B4GALT6: variants seen among roughly 807,000 people sequenced by gnomAD.
B4GALT6 encodes the protein UDP-Gal:beta-GlcNAc beta-1,4-galactosyltransferase 6.
In B4GALT6, 14 loss-of-function variants were observed where a neutral mutation model predicts 46.3. The ratio of observed to expected loss-of-function variants is 0.30; its 90% CI spans 0.20 to 0.47. B4GALT6 has a LOEUF of 0.47. B4GALT6 is among the 20% of genes least tolerant of loss of function. The pLI, the probability that B4GALT6 is intolerant of heterozygous loss-of-function variation, is 0.99. For synonymous variants in B4GALT6, 168 were observed against 162.0 expected, an observed-to-expected ratio of 1.04 and a Z score of -0.28; for missense variants, 386 against 480.1, an observed-to-expected ratio of 0.80 and a Z score of 1.83.
intron 1 of B4GALT6, among the ~76,000 whole-genome samples, chr18:31,676,322 A>AC (rs2074414595): frequency 6.6e-6 from 1 of 152,210 alleles, no homozygotes; most frequent in African/African-American, 2.4e-5. Flanking sequence ...ACTTAAATAT[A>AC]CCACTGTAAA....
intron 5 of B4GALT6, 48 bp downstream of exon 5, chr18:31,638,596 A>G (rs1283044547): frequency 1.5e-6 from 2 of 1,338,482 alleles, no homozygotes; most frequent in South Asian, 1.2e-5. Context: ...CATATCTAAG[A>G]GTTTAGATTC....
At chr18:31,630,057 G>T (rs2073764047) in intron 6 of B4GALT6, among the ~76,000 whole-genome samples, 1 of 145,302 alleles carries the variant, frequency 6.9e-6, no homozygotes, top group African/African-American at 2.5e-5. Context: ...AGGAAGAAGG[G>T]GGGAGGGGGA....
chr18:31,700,851 G>A, the B4GALT6 span, among the ~76,000 whole-genome samples: 13 of 151,962 alleles, frequency 8.6e-5, no homozygotes, highest in Admixed American at 8.5e-4. Flanking sequence ...GTGACGATGT[G>A]GAGCAAAGAC....
intron 2 of B4GALT6, among the ~76,000 whole-genome samples, chr18:31,665,867 T>G (rs769220415): frequency 6.6e-6 from 1 of 152,248 alleles, no homozygotes; most frequent in Non-Finnish European, 1.5e-5. Context: ...ACAACTATTT[T>G]CTAGACCTAG....
In B4GALT6 at chr18:31,629,655, T is replaced by C. The variant is rs535162561; in HGVS notation, c.776+1304A>G. On this transcript the variant is annotated intron_variant, in intron 6 of 8. Coordinates refer to ENST00000306851, the MANE Select transcript of B4GALT6 (RefSeq NM_004775.5). ...ACAAGGTCAGGAGATCAAGACTATC[T>C]TGGCTAACACAGTGAAACCCCGTCT... 6.0e-4 allele frequency among the ~76,000 whole-genome samples: 90 copies of C among 150,330 alleles called. No individual in the cohort carries two copies. The East Asian group carries it at 0.01, about 17-fold the overall frequency.
intron 1 of B4GALT6, among the ~76,000 whole-genome samples, chr18:31,678,334 C>A (rs539915834): frequency 6.6e-6 from 1 of 150,678 alleles, no homozygotes; most frequent in Non-Finnish European, 1.5e-5. Flanking sequence ...CTTTTTTTTT[C>A]CTCTCTCTCT....
chr18:31,628,944 C>A (rs1225953725), intron 6 of B4GALT6, among the ~76,000 whole-genome samples: 3 of 152,166 alleles, frequency 2.0e-5, no homozygotes, highest in African/African-American at 7.2e-5. Context: ...TTTCCATCTT[C>A]AATTCTTTCA....
chr18:31,681,950 A>G (rs544888104), intron 1 of B4GALT6, among the ~76,000 whole-genome samples: 31 of 152,242 alleles, frequency 2.0e-4, no homozygotes, highest in Non-Finnish European at 4.0e-4. Context: ...ATTTCAAGAA[A>G]AATCCACATA....
chr18:31,688,775 G>A (rs1405696536), upstream of B4GALT6, among the ~76,000 whole-genome samples: 5 of 152,162 alleles, frequency 3.3e-5, no homozygotes, highest in Admixed American at 2.0e-4. Flanking sequence ...GTAAAATACC[G>A]GGCCTGAGGT....
chr18:31,674,109 G>C (rs1338625372), intron 1 of B4GALT6, among the ~76,000 whole-genome samples: 1 of 152,122 alleles, frequency 6.6e-6, no homozygotes, highest in African/African-American at 2.4e-5. Context: ...AAATAAACTT[G>C]ATGTTTTAAG....
At chr18:31,708,611 A>G in the B4GALT6 span, among the ~76,000 whole-genome samples, 2 of 152,104 alleles carry the variant, frequency 1.3e-5, no homozygotes, top group Admixed American at 1.3e-4. Flanking sequence ...AAAAACCACT[A>G]GAATAATATT....
intron 6 of B4GALT6, 38 bp downstream of exon 6, chr18:31,630,921 T>G (rs753270681): frequency 6.3e-7 from 1 of 1,598,148 alleles, no homozygotes; most frequent in Non-Finnish European, 8.6e-7. Context: ...ACTGTGCAAT[T>G]ATATCGTACA....
At position 31,679,784 on chromosome 18, in the gene B4GALT6, C is replaced by T. The variant is rs149847141; in HGVS notation, c.115+4528G>A. Among the ~76,000 whole-genome samples the T allele has an allele frequency of 4.0e-4, 61 of 152,294 alleles. No homozygotes were observed. In the East Asian group the frequency reaches 9.6e-3, roughly 24 times the overall value. The stretch of plus-strand genomic sequence containing the variant: ...TAAAAGCAAAATAGCCCCCCAAAGA[C>T]GTGACTTTCTATACTCCCTATTAAT... On this transcript the variant is annotated intron_variant, in intron 1 of 8. Coordinates refer to ENST00000306851, the MANE Select transcript of B4GALT6 (RefSeq NM_004775.5).
upstream of B4GALT6, chr18:31,684,661 G>A: frequency 8.4e-7 from 1 of 1,188,544 alleles, no homozygotes; most frequent in Non-Finnish European, 1.1e-6. Flanking sequence ...GGGACAAGAG[G>A]TGGAGGGGGG....
chr18:31,710,466 A>G, the B4GALT6 span, among the ~76,000 whole-genome samples: 1 of 152,154 alleles, frequency 6.6e-6, no homozygotes, highest in Non-Finnish European at 1.5e-5. Context: ...GTAGCCCTAA[A>G]TCCAATGGCA....
intron 1 of B4GALT6, among the ~76,000 whole-genome samples, chr18:31,669,438 A>C (rs1270311638): frequency 2.0e-5 from 3 of 152,108 alleles, no homozygotes; most frequent in Non-Finnish European, 4.4e-5. Flanking sequence ...CTTATACTTA[A>C]ATAATCTGTC....
intron 7 of B4GALT6, 23 bp downstream of exon 7, chr18:31,626,976 G>T: frequency 6.3e-7 from 1 of 1,586,018 alleles, no homozygotes; most frequent in South Asian, 1.2e-5. Context: ...TTCTATTAGT[G>T]AACAATTTGT....
At chr18:31,657,316 G>A (rs2074152470) in intron 3 of B4GALT6, among the ~76,000 whole-genome samples, 1 of 151,932 alleles carries the variant, frequency 6.6e-6, no homozygotes, top group African/African-American at 2.4e-5. Context: ...TTTATACAAA[G>A]ACGTACCACA....
At chr18:31,682,865 G>C (rs954466238) in intron 1 of B4GALT6, among the ~76,000 whole-genome samples, 1 of 152,004 alleles carries the variant, frequency 6.6e-6, no homozygotes, top group Non-Finnish European at 1.5e-5. Context: ...ACTCCAAAAT[G>C]GCAAAAAATA....
Sources: gnomAD v4.1 joint callset for allele counts (sites outside exome capture counted in the v4.1 genomes callset) on GRCh38, gnomAD v4.1.1 for gene constraint, MANE v1.5 for transcripts, NCBI Gene and HGNC (gene_info 2026-07-23, HGNC 2026-07-21) for gene names.